AKR1C3: variants seen among roughly 807,000 people sequenced by gnomAD.
The protein encoded by AKR1C3 is aldo-keto reductase family 1 member C3.
A neutral mutation model predicts 43.6 loss-of-function variants in AKR1C3; 48 were observed. The observed-to-expected ratio is 1.10, with a 90% CI of 0.87 to 1.40. The LOEUF (loss-of-function observed/expected upper bound fraction) is 1.40. Ranked by LOEUF, AKR1C3 falls within the 40% of genes most tolerant of loss-of-function variation. The pLI, the probability that AKR1C3 is intolerant of heterozygous loss-of-function variation, is 0.00. For missense variants in AKR1C3, 482 were observed against 391.2 expected, an observed-to-expected ratio of 1.23 and a Z score of -1.96; for synonymous variants, 162 against 139.6, an observed-to-expected ratio of 1.16 and a Z score of -1.13.
At chr10:5,062,424 G>A (rs1269575325) in intron 1 of AKR1C3, among the ~76,000 whole-genome samples, 14 of 152,232 alleles carry the variant, frequency 9.2e-5, no homozygotes, top group Middle Eastern at 3.4e-3. Flanking sequence ...TCTAGGTTGA[G>A]AAACACTCTA....
At chr10:5,090,374 A>G (rs1839064278), upstream of AKR1C3, among the ~76,000 whole-genome samples, 1 of 152,120 alleles carries the variant, frequency 6.6e-6, no homozygotes, top group African/African-American at 2.4e-5. Flanking sequence ...TCAGTAACAC[A>G]ATCTGTTTCC....
At chr10:5,090,063 ATGAG>A (rs1385171374), upstream of AKR1C3, among the ~76,000 whole-genome samples, 1 of 152,110 alleles carries the variant, frequency 6.6e-6, no homozygotes, top group African/African-American at 2.4e-5. Flanking sequence ...GAGGGTACTT[ATGAG>A]TAAGAGCCAG....
At chr10:5,095,463 ACTG>A (rs1839183776) in intron 1 of AKR1C3, among the ~76,000 whole-genome samples, 1 of 151,406 alleles carries the variant, frequency 6.6e-6, no homozygotes. Context: ...ACACTTAAAG[ACTG>A]CTCTCAAAAA....
chr10:5,078,371 G>A (rs1838759107), intron 1 of AKR1C3, among the ~76,000 whole-genome samples: 1 of 152,218 alleles, frequency 6.6e-6, no homozygotes, highest in Non-Finnish European at 1.5e-5. Context: ...TTGAACCTGG[G>A]AGGCGGACGT....
intron 1 of AKR1C3, among the ~76,000 whole-genome samples, chr10:5,088,184 T>A (rs974666679): frequency 6.6e-6 from 1 of 152,176 alleles, no homozygotes; most frequent in Non-Finnish European, 1.5e-5. Flanking sequence ...TCTGAAAAAA[T>A]ACTTGATATG....
At chr10:5,073,699 G>T (rs7914839) in intron 1 of AKR1C3, among the ~76,000 whole-genome samples, 92,014 of 152,026 alleles carry the variant, frequency 0.61, 29,760 homozygotes, top group Non-Finnish European at 0.73. Flanking sequence ...AAAATGAAAA[G>T]ACTGCCATGA....
intron 7 of AKR1C3, among the ~76,000 whole-genome samples, chr10:5,103,645 G>C (rs1588360478): frequency 6.6e-6 from 1 of 152,128 alleles, no homozygotes; most frequent in Non-Finnish European, 1.5e-5. Flanking sequence ...CAGCCATCCA[G>C]CCCAGACTTC....
intron 1 of AKR1C3, among the ~76,000 whole-genome samples, chr10:5,072,501 G>A (rs1937908): frequency 0.28 from 42,838 of 152,096 alleles, 6,815 homozygotes; most frequent in African/African-American, 0.43. Context: ...ATGCATGTCA[G>A]TTTTTTGAAA....
At chr10:5,063,567 A>C (rs1838424707) in intron 1 of AKR1C3, among the ~76,000 whole-genome samples, 1 of 151,758 alleles carries the variant, frequency 6.6e-6, no homozygotes, top group South Asian at 2.1e-4. Flanking sequence ...AGGCTGAGGC[A>C]GGCAGATCAC....
At chr10:5,055,411 CTAAG>C (rs1838238914) in intron 1 of AKR1C3, among the ~76,000 whole-genome samples, 1 of 152,212 alleles carries the variant, frequency 6.6e-6, no homozygotes, top group African/African-American at 2.4e-5. Flanking sequence ...TGCCTAGTAT[CTAAG>C]TAGGCAGTTG....
At chr10:5,078,623 C>T (rs1358655880) in intron 1 of AKR1C3, among the ~76,000 whole-genome samples, 1 of 152,154 alleles carries the variant, frequency 6.6e-6, no homozygotes, top group East Asian at 1.9e-4. Flanking sequence ...GATTTTCTCT[C>T]CAGTCCGACA....
chr10:5,086,415 G>C (rs1564364555), intron 1 of AKR1C3, among the ~76,000 whole-genome samples: 1 of 151,452 alleles, frequency 6.6e-6, no homozygotes, highest in Non-Finnish European at 1.5e-5. Flanking sequence ...CTGAGTTCTA[G>C]TTTGATTGCA....
At chr10:5,062,787 T>C (rs1250435682) in intron 1 of AKR1C3, among the ~76,000 whole-genome samples, 4 of 151,172 alleles carry the variant, frequency 2.6e-5, no homozygotes, top group African/African-American at 9.7e-5. Context: ...TTGTAAATAC[T>C]AGATCTGCTA....
Position 5,102,228 on chromosome 10 carries a change from A to ACCTTT in AKR1C3, c.680+19_680+23dup, listed in dbSNP as rs1554786159. 1 of 1,602,486 alleles carries ACCTTT rather than the reference A, an allele frequency of 6.2e-7. No individual in the cohort carries two copies. The highest frequency in any genetic ancestry group is 1.7e-5 in the Admixed American group (1 of 59,712). The stretch of plus-strand genomic sequence containing the variant: ...AAACGATGGTAATAAAAACAATGGG[A>ACCTTT]CCTTTACATAAACCTTCATTTTGCA... On this transcript the variant is annotated intron_variant, in intron 6 of 8. Transcript: ENST00000380554.
chr10:5,102,414 G>A lies in AKR1C3; in HGVS notation c.681-71G>A, dbSNP rs567347190. 6.7e-6 allele frequency: 9 copies of A among 1,335,498 alleles called. No homozygotes were observed. The East Asian group carries it at 2.1e-4, about 31-fold the overall frequency. 82.7% of individuals were successfully genotyped at this position (1,335,498 alleles called of 1,614,324 possible). A position where few individuals can be genotyped will look rare whatever the true frequency, so the allele number is the denominator to read the frequency against. ...GCTCCGGTGCAGAGTGGATGCCTTA[G>A]TCTGTTTAGGGAGCCGCCTAACAAA... On this transcript the variant is annotated intron_variant, in intron 6 of 8. Coordinates refer to ENST00000380554, the MANE Select transcript of AKR1C3 (RefSeq NM_003739.6).
chr10:5,077,892 A>G (rs1308986579), intron 1 of AKR1C3: 9 of 606,714 alleles, frequency 1.5e-5, no homozygotes, highest in Non-Finnish European at 2.6e-5. Flanking sequence ...AATTCTTTGA[A>G]TCATCAGAAT....
chr10:5,087,712 C>CT (rs1293370713), intron 1 of AKR1C3, among the ~76,000 whole-genome samples: 7 of 151,222 alleles, frequency 4.6e-5, no homozygotes, highest in South Asian at 2.1e-4. Context: ...TTTGAATATT[C>CT]TTTTTTTTTC....
intron 1 of AKR1C3, among the ~76,000 whole-genome samples, chr10:5,057,513 G>C (rs1554779736): frequency 6.6e-6 from 1 of 152,154 alleles, no homozygotes; most frequent in Non-Finnish European, 1.5e-5. Context: ...TGACCCTCGA[G>C]TGATTTGGGT....
intron 8 of AKR1C3, 104 bp downstream of exon 8, chr10:5,105,781 A>G: frequency 1.2e-6 from 1 of 842,862 alleles, no homozygotes; most frequent in Non-Finnish European, 1.9e-6. Context: ...GGCCAATGTG[A>G]GTCAGAGGTG....
Sources: gnomAD v4.1 joint callset for allele counts (sites outside exome capture counted in the v4.1 genomes callset) on GRCh38, gnomAD v4.1.1 for gene constraint, MANE v1.5 for transcripts, NCBI Gene and HGNC (gene_info 2026-07-23, HGNC 2026-07-21) for gene names.